Variants in TTC3 observed in about 807,000 individuals in gnomAD.
The protein encoded by TTC3 is E3 ubiquitin-protein ligase TTC3.
TTC3 carries 180 observed loss-of-function variants against 249.6 expected under a neutral mutation model. The observed-to-expected ratio is 0.72, with a 90% CI of 0.64 to 0.82. TTC3 has a LOEUF of 0.82. TTC3 is among the 40% of genes least tolerant of loss of function. The probability of loss-of-function intolerance (pLI) is 0.00; values close to 1 mark genes in which losing one functional copy is unlikely to be tolerated. For missense variants in TTC3, 2,061 were observed against 2,398.4 expected (o/e 0.86, Z 2.94); for synonymous variants, 717 against 805.0 (o/e 0.89, Z 1.85).
At chr21:37,085,136 C>T (rs1293801638) in intron 1 of TTC3, among the ~76,000 whole-genome samples, 1 of 152,304 alleles carries the variant, frequency 6.6e-6, no homozygotes, top group East Asian at 1.9e-4. Flanking sequence ...GGTATGAGCA[C>T]ATTAATTGTA....
At chr21:37,164,159 C>T (rs2081038450) in exon 32 of TTC3, 1 of 1,613,200 alleles carries the variant, frequency 6.2e-7, no homozygotes, top group Non-Finnish European at 8.5e-7. Context: ...AATATGTTGT[C>T]CGCAATAAGA....
intron 32 of TTC3, 35 bp downstream of exon 32, chr21:37,164,250 A>G (rs2081046931): frequency 6.7e-7 from 1 of 1,489,944 alleles, no homozygotes; most frequent in Non-Finnish European, 9.0e-7. Flanking sequence ...CCATTATTTT[A>G]TACTAAGGCT....
intron 10 of TTC3, among the ~76,000 whole-genome samples, chr21:37,097,056 C>T (rs534056167): frequency 1.4e-4 from 22 of 152,202 alleles, no homozygotes; most frequent in African/African-American, 5.1e-4. Context: ...TTAATTAATC[C>T]ATATAGTATA....
chr21:37,201,413 C>T (rs1221236848), intron 45 of TTC3, 27 bp from the exon 46 acceptor site: 1 of 1,612,922 alleles, frequency 6.2e-7, no homozygotes, highest in Non-Finnish European at 8.5e-7. Context: ...CTGAAGGCAT[C>T]TTCTGATTTT....
In TTC3 at chr21:37,096,568, G is replaced by A. The variant is rs764462113; in HGVS notation, c.783-13G>A. 5.0e-6 allele frequency: 8 copies of A among 1,596,836 alleles called. No homozygotes were observed. The highest frequency in any genetic ancestry group is 1.1e-5 in the South Asian group (1 of 89,362). Reference sequence around the variant, plus strand: ...TAATGTGCTTTACTGACTAAACATTGTATCTTTTTAAGACCTGAAAACTAC... The same window carrying A: ...TAATGTGCTTTACTGACTAAACATTATATCTTTTTAAGACCTGAAAACTAC... On this transcript the variant is annotated splice_polypyrimidine_tract_variant and intron_variant, in intron 9 of 45. Coordinates refer to ENST00000355666, the Ensembl canonical transcript of TTC3.
At chr21:37,073,684 C>T (rs922642178) in intron 1 of TTC3, among the ~76,000 whole-genome samples, 1 of 152,096 alleles carries the variant, frequency 6.6e-6, no homozygotes, top group African/African-American at 2.4e-5. Context: ...CCCCCGCTGC[C>T]CGTGCCTCGG....
intron 35 of TTC3, among the ~76,000 whole-genome samples, chr21:37,174,875 T>C (rs1200754554): frequency 6.6e-6 from 1 of 152,154 alleles, no homozygotes; most frequent in Non-Finnish European, 1.5e-5. Flanking sequence ...AGATAGTAAG[T>C]ACAGTACTCA....
intron 44 of TTC3, 94 bp downstream of exon 44, chr21:37,198,119 A>C (rs2085117654): frequency 5.1e-6 from 7 of 1,379,884 alleles, no homozygotes; most frequent in East Asian, 2.5e-5. Flanking sequence ...TTCTAGACCT[A>C]ATTTATTTGA....
intron 9 of TTC3, 25 bp downstream of exon 9, chr21:37,095,469 A>G (rs1279089226): frequency 6.9e-7 from 1 of 1,449,720 alleles, no homozygotes; most frequent in Admixed American, 2.1e-5. Context: ...AACAAAAGAG[A>G]TGCTTTTTCT....
At chr21:37,122,061 A>G (rs2076627880) in intron 12 of TTC3, 82 bp downstream of exon 12, 2 of 1,286,000 alleles carry the variant, frequency 1.6e-6, no homozygotes, top group African/African-American at 1.5e-5. Context: ...TTAACAGAGG[A>G]CCACAAATCA....
chr21:37,133,055 A>G (rs1218204478), intron 17 of TTC3, among the ~76,000 whole-genome samples: 1 of 152,188 alleles, frequency 6.6e-6, no homozygotes, highest in African/African-American at 2.4e-5. Flanking sequence ...ATCTATCACT[A>G]ATTTAAATAT....
intron 2 of TTC3, 130 bp from the exon 3 acceptor site, chr21:37,087,703 G>T: frequency 1.3e-6 from 1 of 795,096 alleles, no homozygotes; most frequent in Non-Finnish European, 2.0e-6. Context: ...AAGACTCTTT[G>T]GCTGAAGATG....
intron 11 of TTC3, among the ~76,000 whole-genome samples, chr21:37,119,270 A>G (rs2076399418): frequency 6.6e-6 from 1 of 152,196 alleles, no homozygotes; most frequent in Non-Finnish European, 1.5e-5. Flanking sequence ...TTTTTTCCCC[A>G]CTACTGAAGC....
exon 4 of TTC3, chr21:37,088,214 TATGGTGTAGTAA>T (rs752869051): frequency 1.2e-6 from 2 of 1,608,736 alleles, no homozygotes; most frequent in Admixed American, 3.4e-5. Context: ...ATCTGCAGTA[TATGGTGTAGTAA>T]ACCAATTTCT....
intron 11 of TTC3, among the ~76,000 whole-genome samples, chr21:37,115,525 T>C (rs906544981): frequency 3.9e-5 from 6 of 152,178 alleles, no homozygotes; most frequent in African/African-American, 1.4e-4. Context: ...TTCTTGCAAA[T>C]GTGCACATGG....
At chr21:37,177,581 T>A (rs1602017020) in intron 35 of TTC3, among the ~76,000 whole-genome samples, 1 of 152,222 alleles carries the variant, frequency 6.6e-6, no homozygotes, top group African/African-American at 2.4e-5. Context: ...TCTAATTTAA[T>A]GGATAATGTT....
exon 42 of TTC3, chr21:37,195,703 C>T: frequency 6.2e-7 from 1 of 1,612,642 alleles, no homozygotes; most frequent in Non-Finnish European, 8.5e-7. Flanking sequence ...CCTGAGTCTT[C>T]AGGCGACGAT....
At chr21:37,077,020 C>G (rs2070981874) in intron 1 of TTC3, among the ~76,000 whole-genome samples, 1 of 151,994 alleles carries the variant, frequency 6.6e-6, no homozygotes, top group Admixed American at 6.6e-5. Context: ...TAAAATACCA[C>G]TATAGTGTTA....
At position 37,165,989 on chromosome 21, in the gene TTC3, G is replaced by A. The variant is rs61998247; in HGVS notation, c.3775G>A (p.Asp1259Asn). The change falls in exon 33 of 46, where the codon GAC (aspartate) becomes AAC (asparagine). Residue 1259 changes from aspartate to asparagine, a missense_variant. Asp to Asn is a conservative substitution (Grantham distance 23). Coordinates refer to ENST00000355666, the Ensembl canonical transcript of TTC3. ...AGATGTGAAGGCCAAACCAGTATCC[G>A]ACAATTCTTCTAGACAAGTTTCTGA... 2,211 of 1,614,122 alleles carry A rather than the reference G, an allele frequency of 1.4e-3. 25 individuals are homozygous for A. In the African/African-American group the frequency reaches 0.024, roughly 18 times the overall value.
Sources: gnomAD v4.1 joint callset for allele counts (sites outside exome capture counted in the v4.1 genomes callset) on GRCh38, gnomAD v4.1.1 for gene constraint, MANE v1.5 for transcripts, NCBI Gene and HGNC (gene_info 2026-07-23, HGNC 2026-07-21) for gene names.